PHACTR4: variants seen among roughly 807,000 people sequenced by gnomAD.
PHACTR4 encodes phosphatase and actin regulator 4.
In PHACTR4, 51 loss-of-function variants were observed where a neutral mutation model predicts 72.7. That is an observed-to-expected ratio of 0.70 (90% CI 0.56 to 0.89). The LOEUF (loss-of-function observed/expected upper bound fraction) is 0.89, where lower values mean the gene tolerates loss of function less well. Among genes scored for constraint, PHACTR4 ranks in the 40% least tolerant of loss-of-function variants. The probability of loss-of-function intolerance (pLI) is 0.00; values close to 1 mark genes in which losing one functional copy is unlikely to be tolerated. For synonymous variants in PHACTR4, 255 were observed against 302.5 expected (o/e 0.84, Z 1.63); for missense variants, 731 against 861.8 (o/e 0.85, Z 1.90).
At chr1:28,386,815 CCAA>C (rs1652591429) in intron 1 of PHACTR4, among the ~76,000 whole-genome samples, 1 of 151,976 alleles carries the variant, frequency 6.6e-6, no homozygotes, top group South Asian at 2.1e-4. Flanking sequence ...TTATATAGGA[CCAA>C]CGATATTTAA....
chr1:28,459,242 T>G lies in PHACTR4; in HGVS notation c.174T>G (p.Phe58Leu), dbSNP rs1351168950. Residue 58 changes from phenylalanine to leucine, a missense_variant, in exon 3 of 14, where the codon TTT (phenylalanine) becomes TTG (leucine). Around this residue, in one of 2 missense-constraint regions of PHACTR4, gnomAD observed 621 missense variants for 676.6 expected, o/e 0.92. Transcript: ENST00000373839. ...KWRKKKSSDK[F>L]KETSEVLERK... Reference sequence around the variant, plus strand: ...GGAAAAAAAAAAGTAGTGATAAATTTAAAGAGACTTCAGAAGGTGAGATAT... The same window carrying G: ...GGAAAAAAAAAAGTAGTGATAAATTGAAAGAGACTTCAGAAGGTGAGATAT... 2 of 1,613,354 alleles carry G rather than the reference T, an allele frequency of 1.2e-6. No homozygotes were observed. The highest frequency in any genetic ancestry group is 1.7e-6 in the Non-Finnish European group (2 of 1,179,650).
In PHACTR4 at chr1:28,443,970, C is replaced by T. The variant is rs117237130; in HGVS notation, c.17-15115C>T. 1.7e-3 allele frequency among the ~76,000 whole-genome samples: 265 copies of T among 151,728 alleles called. 8 individuals carry two copies. The East Asian group carries it at 0.045, about 26-fold the overall frequency. ...ATGGTATTGCTGGATCATATGGTAG[C>T]GCTATTTGTAGTTTTTCTTTCTTTT... On this transcript the variant is annotated intron_variant, in intron 2 of 13. Transcript: ENST00000373839.
At chr1:28,451,716 T>C (rs986937555) in intron 2 of PHACTR4, among the ~76,000 whole-genome samples, 3 of 152,054 alleles carry the variant, frequency 2.0e-5, no homozygotes, top group African/African-American at 7.2e-5. Context: ...CAATCACAGC[T>C]CACTACAGCC....
Position 28,473,685 on chromosome 1 carries a change from C to G in PHACTR4, c.955C>G (p.Pro319Ala), listed in dbSNP as rs1379061734. 1.2e-6 allele frequency: 2 copies of G among 1,614,108 alleles called. No individual in the cohort carries two copies. Among genetic ancestry groups the G allele is most frequent in the South Asian group, 2.2e-5 (2 of 91,084 alleles). The change falls in exon 7 of 14, where the codon CCA becomes GCA. Residue 319 changes from proline to alanine, a missense_variant. Physicochemically the swap from Pro to Ala is conservative, Grantham distance 27 (BLOSUM62 -1). Coordinates refer to ENST00000373839, the MANE Select transcript of PHACTR4 (RefSeq NM_001048183.3). ...ESAAAITTKT[P>A]SDEREKSTCS... is the part of the protein sequence containing the mutation. ...TGCTGCTGCCATCACCACAAAAACA[C>G]CAAGTGATGAAAGAGAGAAGAGCAC...
chr1:28,460,367 A>G, intron 4 of PHACTR4, 75 bp downstream of exon 4: 1 of 1,088,202 alleles, frequency 9.2e-7, no homozygotes, highest in Non-Finnish European at 1.3e-6. Flanking sequence ...AGATATTTGA[A>G]TTTTCTTTCT....
chr1:28,422,329 A>G (rs780669594), intron 2 of PHACTR4, among the ~76,000 whole-genome samples: 8 of 152,244 alleles, frequency 5.3e-5, no homozygotes, highest in Non-Finnish European at 7.3e-5. Flanking sequence ...TAAAAAATAC[A>G]GTATAAAAAC....
chr1:28,403,820 T>C (rs1213421709), intron 1 of PHACTR4, among the ~76,000 whole-genome samples: 3 of 152,156 alleles, frequency 2.0e-5, no homozygotes, highest in African/African-American at 7.2e-5. Context: ...TTCATGTAAG[T>C]GGAATAATAC....
intron 6 of PHACTR4, among the ~76,000 whole-genome samples, chr1:28,471,520 A>G (rs373000575): frequency 7.7e-6 from 1 of 130,400 alleles, no homozygotes; most frequent in Admixed American, 7.5e-5. Flanking sequence ...CAAAAGAACT[A>G]CTTTTTTTTT....
chr1:28,385,236 T>G (rs940790878), intron 1 of PHACTR4, among the ~76,000 whole-genome samples: 4 of 152,096 alleles, frequency 2.6e-5, no homozygotes, highest in African/African-American at 9.7e-5. Flanking sequence ...TGCCTTAATT[T>G]CATTATTTAC....
chr1:28,487,537 A>AAAAAAG (rs1553205919), intron 9 of PHACTR4, among the ~76,000 whole-genome samples: 10 of 146,368 alleles, frequency 6.8e-5, no homozygotes, highest in African/African-American at 2.6e-4. Context: ...AAAAAAAAAA[A>AAAAAAG]GGAAGGTCTT....
intron 2 of PHACTR4, among the ~76,000 whole-genome samples, chr1:28,419,484 G>T (rs772599084): frequency 2.0e-5 from 3 of 151,646 alleles, no homozygotes; most frequent in African/African-American, 7.3e-5. Context: ...ATGTGTGTGT[G>T]TATATATACA....
At chr1:28,479,665 C>G (rs567856337) in intron 8 of PHACTR4, among the ~76,000 whole-genome samples, 1 of 151,660 alleles carries the variant, frequency 6.6e-6, no homozygotes, top group East Asian at 1.9e-4. Context: ...GTGGGTGGAT[C>G]ACCTGAGGTC....
intron 8 of PHACTR4, among the ~76,000 whole-genome samples, chr1:28,479,316 A>T (rs2124519233): frequency 6.6e-6 from 1 of 151,536 alleles, no homozygotes; most frequent in Middle Eastern, 3.4e-3. Flanking sequence ...GCTACTCAGG[A>T]GGCTGAGGCA....
At chr1:28,383,069 A>G (rs539451587) in intron 1 of PHACTR4, among the ~76,000 whole-genome samples, 1 of 152,344 alleles carries the variant, frequency 6.6e-6, no homozygotes, top group East Asian at 1.9e-4. Flanking sequence ...TTGGGATTAC[A>G]GGCATGAGCC....
intron 2 of PHACTR4, among the ~76,000 whole-genome samples, chr1:28,428,610 A>T (rs1656023065): frequency 6.6e-6 from 1 of 152,230 alleles, no homozygotes; most frequent in Non-Finnish European, 1.5e-5. Flanking sequence ...AAACATATAC[A>T]TTACTTCATG....
At chr1:28,397,113 T>C (rs1309792751) in intron 1 of PHACTR4, among the ~76,000 whole-genome samples, 1 of 152,176 alleles carries the variant, frequency 6.6e-6, no homozygotes, top group East Asian at 1.9e-4. Flanking sequence ...TGTATTTTGA[T>C]CAGGCTTTGA....
At chr1:28,398,484 G>A (rs1384047482) in intron 1 of PHACTR4, among the ~76,000 whole-genome samples, 5 of 152,022 alleles carry the variant, frequency 3.3e-5, no homozygotes, top group Admixed American at 6.6e-5. Context: ...TCATGCCACC[G>A]CACTCCAGCC....
intron 9 of PHACTR4, among the ~76,000 whole-genome samples, chr1:28,485,863 C>T (rs956163722): frequency 9.9e-5 from 15 of 151,770 alleles, no homozygotes; most frequent in African/African-American, 3.4e-4. Context: ...CACGCCACTG[C>T]ACTCCAGCCT....
At chr1:28,407,569 C>T in intron 2 of PHACTR4, 106 bp downstream of exon 2, 2 of 926,822 alleles carry the variant, frequency 2.2e-6, no homozygotes, top group Non-Finnish European at 3.3e-6. Flanking sequence ...CAGTATGCTA[C>T]TCTCTAGAAT....
Sources: allele counts gnomAD v4.1 joint callset (sites outside exome capture counted in the v4.1 genomes callset), GRCh38; gene constraint gnomAD v4.1.1; regional missense constraint gnomAD v4.1.1; transcripts MANE v1.5; gene names NCBI Gene and HGNC (gene_info 2026-07-23, HGNC 2026-07-21).